Variants in TSHZ3 observed in about 807,000 individuals in gnomAD.
TSHZ3 encodes teashirt homolog 3.
Under a neutral mutation model 64.5 loss-of-function variants are expected in TSHZ3, and 10 were observed. That is an observed-to-expected ratio of 0.16 (90% CI 0.10 to 0.26). TSHZ3 has a LOEUF of 0.26. Ranked by LOEUF, TSHZ3 falls within the 10% of genes least tolerant of loss-of-function variation. The pLI, the probability that TSHZ3 is intolerant of heterozygous loss-of-function variation, is 1.00. For missense variants in TSHZ3, 1,242 were observed against 1,421.7 expected, an observed-to-expected ratio of 0.87 and a Z score of 2.03; for synonymous variants, 608 against 593.1, an observed-to-expected ratio of 1.03 and a Z score of -0.36.
At chr19:31,293,606 T>C (rs928785713) in intron 1 of TSHZ3, among the ~76,000 whole-genome samples, 3 of 152,224 alleles carry the variant, frequency 2.0e-5, no homozygotes, top group African/African-American at 4.8e-5. Flanking sequence ...AGTGATCTCT[T>C]TAATTTCTGT....
intron 3 of TSHZ3, among the ~76,000 whole-genome samples, chr19:31,232,481 A>G (rs1046628785): frequency 2.6e-5 from 4 of 152,206 alleles, no homozygotes; most frequent in African/African-American, 9.7e-5. Flanking sequence ...GTATTCCCAC[A>G]TGTGGCTTTC....
intron 1 of TSHZ3, among the ~76,000 whole-genome samples, chr19:31,309,597 A>C (rs756688681): frequency 6.6e-6 from 1 of 152,244 alleles, no homozygotes; most frequent in Non-Finnish European, 1.5e-5. Context: ...AAAGGCCTGG[A>C]AACAGGCCCC....
intron 1 of TSHZ3, among the ~76,000 whole-genome samples, chr19:31,312,103 G>A (rs565296500): frequency 1.3e-5 from 2 of 152,276 alleles, no homozygotes; most frequent in South Asian, 4.1e-4. Context: ...AACAGGCATG[G>A]TGACACCAAT....
At chr19:31,195,053 GA>G (rs557957305) in intron 5 of TSHZ3, among the ~76,000 whole-genome samples, 4 of 151,336 alleles carry the variant, frequency 2.6e-5, no homozygotes, top group African/African-American at 7.3e-5. Context: ...GGGAGAAAAA[GA>G]AAAAAATGGG....
exon 5 of TSHZ3, among the ~76,000 whole-genome samples, chr19:31,205,077 T>C (rs2145153837): frequency 6.6e-6 from 1 of 152,296 alleles, no homozygotes; most frequent in Middle Eastern, 3.4e-3. Context: ...TCTAGTTGTA[T>C]CCTGCAGAGG....
intron 1 of TSHZ3, among the ~76,000 whole-genome samples, chr19:31,264,710 CTTT>C (rs34853915): frequency 1.4e-5 from 2 of 143,404 alleles, no homozygotes; most frequent in African/African-American, 2.5e-5. Flanking sequence ...GTGGGTTTTT[CTTT>C]TTTTTTTTTT....
intron 1 of TSHZ3, among the ~76,000 whole-genome samples, chr19:31,301,125 T>A (rs910676533): frequency 5.3e-5 from 8 of 151,376 alleles, no homozygotes; most frequent in Non-Finnish European, 1.2e-4. Flanking sequence ...ACAATAGGAG[T>A]GATGGTGAGA....
intron 1 of TSHZ3, among the ~76,000 whole-genome samples, chr19:31,316,033 C>G (rs986388048): frequency 6.6e-6 from 1 of 152,078 alleles, no homozygotes; most frequent in Non-Finnish European, 1.5e-5. Context: ...GTAATAATTA[C>G]TGCTATATAA....
rs1451486988 is a variant in TSHZ3, at chr19:31,278,395, C to A, written c.1398G>T (p.Leu466=). 1.2e-6 allele frequency: 2 copies of A among 1,614,106 alleles called. No individual in the cohort carries two copies. Among genetic ancestry groups the A allele is most frequent in the South Asian group, 1.1e-5 (1 of 91,070 alleles). Residue 466 remains leucine, a synonymous_variant, in exon 2 of 2, where the codon CTG becomes CTT. Coordinates refer to ENST00000240587, the MANE Select transcript of TSHZ3 (RefSeq NM_020856.4). The surrounding 1 kb of genome is among the most constrained non-coding windows in gnomAD (Gnocchi z 4.7). ...CGACTTCCTTCTTGACCTCCACATTCAGTTTTGGGGAGATGCTGGCAGGTG... is the reference window on the plus strand; with the variant it reads ...CGACTTCCTTCTTGACCTCCACATTAAGTTTTGGGGAGATGCTGGCAGGTG... ...SNTPASISPK[L]NVEVKKEVDK... is the part of the protein sequence containing the mutation.
At chr19:31,200,906 T>C (rs1413908914) in intron 5 of TSHZ3, among the ~76,000 whole-genome samples, 1 of 151,812 alleles carries the variant, frequency 6.6e-6, no homozygotes, top group Non-Finnish European at 1.5e-5. Flanking sequence ...AAATGAAGTT[T>C]ATTTTGAAAA....
chr19:31,290,086 T>C (rs1052950683), intron 1 of TSHZ3, among the ~76,000 whole-genome samples: 2 of 152,136 alleles, frequency 1.3e-5, no homozygotes, highest in Non-Finnish European at 2.9e-5. Context: ...ACACCTGCCA[T>C]ATCAGCTGTG....
chr19:31,270,552 T>C (rs1428322927), downstream of TSHZ3, among the ~76,000 whole-genome samples: 1 of 152,180 alleles, frequency 6.6e-6, no homozygotes, highest in Non-Finnish European at 1.5e-5. Flanking sequence ...TGGCCTCAAG[T>C]GATTCTCCCA....
chr19:31,223,845 G>A (rs779264862), intron 4 of TSHZ3, among the ~76,000 whole-genome samples: 9 of 152,048 alleles, frequency 5.9e-5, no homozygotes, highest in Admixed American at 3.3e-4. Context: ...TAGCTGGAGC[G>A]GGGGTGGGGG....
intron 3 of TSHZ3, among the ~76,000 whole-genome samples, chr19:31,230,990 C>T (rs541440209): frequency 2.1e-4 from 32 of 152,062 alleles, no homozygotes; most frequent in African/African-American, 7.2e-4. Flanking sequence ...GCATGAGCCA[C>T]CGCCGCTGGC....
chr19:31,272,078 T>A (rs4805662), downstream of TSHZ3, among the ~76,000 whole-genome samples: 47,993 of 151,698 alleles, frequency 0.32, 11,282 homozygotes, highest in African/African-American at 0.65. Flanking sequence ...TTTAAAAAAA[T>A]TTTTTTTATT....
At chr19:31,303,980 A>G (rs926329879) in intron 1 of TSHZ3, among the ~76,000 whole-genome samples, 1 of 146,622 alleles carries the variant, frequency 6.8e-6, no homozygotes, top group Non-Finnish European at 1.5e-5. Context: ...TTTTATTTTC[A>G]TTTTTTTTTT....
chr19:31,222,799 T>TGGGAAAGAGG lies in TSHZ3; in HGVS notation n.686+5205_686+5206insCCTCTTTCCC, dbSNP rs1473814458. 6.2e-4 allele frequency among the ~76,000 whole-genome samples: 94 copies of TGGGAAAGAGG among 152,346 alleles called. 2 individuals are homozygous for TGGGAAAGAGG. In the East Asian group the frequency reaches 0.017, roughly 28 times the overall value. ...GCCCTGGGAATCTCGTCTCTTGTCC[T>TGGGAAAGAGG]TCTCCATTTCTATTTTGCCATATAA... On this transcript the variant is annotated intron_variant and non_coding_transcript_variant, in intron 4 of 6. Transcript: ENST00000651361.
chr19:31,226,318 C>A (rs1034968866), intron 4 of TSHZ3, among the ~76,000 whole-genome samples: 1 of 152,066 alleles, frequency 6.6e-6, no homozygotes, highest in Non-Finnish European at 1.5e-5. Flanking sequence ...GGGAGGGAAC[C>A]AGTAGGAGAT....
intron 5 of TSHZ3, among the ~76,000 whole-genome samples, chr19:31,168,561 C>T (rs536044568): frequency 6.6e-6 from 1 of 152,318 alleles, no homozygotes; most frequent in South Asian, 2.1e-4. Flanking sequence ...ACACCATAGG[C>T]TCTGAAGATT....
Sources: gnomAD v4.1 joint callset for allele counts (sites outside exome capture counted in the v4.1 genomes callset) on GRCh38, gnomAD v4.1.1 for gene constraint, Gnocchi (gnomAD v3.1) non-coding constraint, MANE v1.5 for transcripts, NCBI Gene and HGNC (gene_info 2026-07-23, HGNC 2026-07-21) for gene names.